DACH2: variants seen among roughly 807,000 people sequenced by gnomAD.
DACH2 encodes dachshund homolog 2.
A neutral mutation model predicts 35.8 loss-of-function variants in DACH2; 17 were observed. The observed-to-expected ratio is 0.48, with a 90% CI of 0.33 to 0.71. The LOEUF (loss-of-function observed/expected upper bound fraction) is 0.71. Among genes scored for constraint, DACH2 ranks in the 30% least tolerant of loss-of-function variants. The probability of loss-of-function intolerance (pLI) is 0.02; values close to 1 mark genes in which losing one functional copy is unlikely to be tolerated. For synonymous variants in DACH2, 195 were observed against 177.3 expected, an observed-to-expected ratio of 1.10 and a Z score of -0.79; for missense variants, 469 against 472.7, an observed-to-expected ratio of 0.99 and a Z score of 0.07.
intron 3 of DACH2, among the ~76,000 whole-genome samples, chrX:86,623,853 T>C (rs1221743546): frequency 9.6e-6 from 1 of 103,704 alleles, no homozygotes; most frequent in Non-Finnish European, 2.0e-5. Flanking sequence ...ATCGAGACCA[T>C]CCTGGCTAAC....
At chrX:86,397,196 G>C (rs918667189) in intron 2 of DACH2, among the ~76,000 whole-genome samples, 1 of 111,100 alleles carries the variant, frequency 9.0e-6, no homozygotes, top group Non-Finnish European at 1.9e-5. Context: ...CTGTTTGTCT[G>C]TTTTTGGTGT....
chrX:86,222,789 T>C (rs889312518), intron 1 of DACH2, among the ~76,000 whole-genome samples: 1 of 110,026 alleles, frequency 9.1e-6, no homozygotes. Context: ...TCAAGGAAAA[T>C]AGCCACCAAT....
Position 86,599,007 on chromosome X carries a change from A to G in DACH2, c.641-52029A>G, listed in dbSNP as rs749698152. Reference sequence around the variant, plus strand: ...TGTGATGTTCCCCTTCCTGTGTCCAAGTGTTCTCATTGTTCAATTCCCACC... The same window carrying G: ...TGTGATGTTCCCCTTCCTGTGTCCAGGTGTTCTCATTGTTCAATTCCCACC... On this transcript the variant is annotated intron_variant, in intron 3 of 11. Coordinates refer to ENST00000373125, the MANE Select transcript of DACH2 (RefSeq NM_053281.3). 2.2e-3 allele frequency among the ~76,000 whole-genome samples: 241 copies of G among 109,384 alleles called. 1 individual carries two copies. The highest frequency in any genetic ancestry group is 3.9e-3 in the Non-Finnish European group (206 of 52,705). 95.0% of individuals were successfully genotyped at this position (109,384 alleles called of 115,157 possible). A position where few individuals can be genotyped will look rare whatever the true frequency, so the allele number is the denominator to read the frequency against.
rs758607757 is a variant in DACH2, at chrX:86,832,517, TC to T, written c.*363del. On this transcript the variant is annotated 3_prime_UTR_variant, in exon 12 of 12. Coordinates refer to ENST00000373125, the MANE Select transcript of DACH2 (RefSeq NM_053281.3). ...AAAGTTATATGTATGGTTTCCCTGT[TC>T]TACTATACATAACGTTAAAGTACAC... The T allele has an allele frequency of 2.6e-5, 4 of 154,632 alleles. No homozygotes were observed. The highest frequency in any genetic ancestry group is 8.5e-5 in the Admixed American group (1 of 11,737). 12.7% of individuals were successfully genotyped at this position (154,632 alleles called of 1,213,427 possible). A position where few individuals can be genotyped will look rare whatever the true frequency, so the allele number is the denominator to read the frequency against.
chrX:86,591,350 G>GCTGGGT (rs1218439903), intron 3 of DACH2, among the ~76,000 whole-genome samples: 180 of 111,275 alleles, frequency 1.6e-3, no homozygotes, highest in Non-Finnish European at 3.1e-3. Flanking sequence ...TAATGGGATG[G>GCTGGGT]CTGGGTCAAA....
intron 2 of DACH2, among the ~76,000 whole-genome samples, chrX:86,490,792 C>T (rs890488845): frequency 2.7e-5 from 3 of 111,373 alleles, no homozygotes; most frequent in African/African-American, 9.8e-5. Flanking sequence ...TTAACCTTCT[C>T]TGTGATAAAA....
chrX:86,478,450 T>C (rs777889565), intron 2 of DACH2, among the ~76,000 whole-genome samples: 3 of 111,020 alleles, frequency 2.7e-5, no homozygotes, highest in Non-Finnish European at 5.7e-5. Context: ...CTGTAAGATA[T>C]CCACTCAAAA....
chrX:86,784,409 C>A (rs2042118201), intron 7 of DACH2, among the ~76,000 whole-genome samples: 1 of 110,884 alleles, frequency 9.0e-6, no homozygotes, highest in Non-Finnish European at 1.9e-5. Flanking sequence ...TAGAGAAATG[C>A]AAGTCAAAAT....
chrX:86,551,685 C>A (rs1442583177), intron 3 of DACH2, among the ~76,000 whole-genome samples: 2 of 112,036 alleles, frequency 1.8e-5, no homozygotes, highest in African/African-American at 6.5e-5. Context: ...TGTAGCAGAT[C>A]AGTAACTTGT....
intron 4 of DACH2, among the ~76,000 whole-genome samples, chrX:86,693,094 T>C (rs2041028348): frequency 8.9e-6 from 1 of 112,430 alleles, no homozygotes; most frequent in Non-Finnish European, 1.9e-5. Context: ...AGCCAACATC[T>C]GGATGAAAAG....
chrX:86,533,391 T>C (rs2038751935), intron 3 of DACH2, among the ~76,000 whole-genome samples: 1 of 112,196 alleles, frequency 8.9e-6, no homozygotes, highest in Non-Finnish European at 1.9e-5. Flanking sequence ...AAAGTGTTTT[T>C]CTGATCTTCT....
At chrX:86,673,283 G>C (rs1488168121) in intron 4 of DACH2, among the ~76,000 whole-genome samples, 3 of 91,004 alleles carry the variant, frequency 3.3e-5, no homozygotes, top group Non-Finnish European at 6.1e-5. Flanking sequence ...CTTGCAGTGA[G>C]CCAAGATCAT....
At chrX:86,171,006 A>G (rs1358515476) in intron 1 of DACH2, among the ~76,000 whole-genome samples, 2 of 112,150 alleles carry the variant, frequency 1.8e-5, no homozygotes, top group Non-Finnish European at 3.8e-5. Context: ...AGCCTGTTCA[A>G]AGGAGGCAAT....
intron 7 of DACH2, among the ~76,000 whole-genome samples, chrX:86,812,379 T>C (rs2042402839): frequency 9.0e-6 from 1 of 111,531 alleles, no homozygotes; most frequent in Non-Finnish European, 1.9e-5. Flanking sequence ...GTGGTAATGA[T>C]TAGACAACTC....
chrX:86,204,670 G>A (rs1378198261), intron 1 of DACH2, among the ~76,000 whole-genome samples: 1 of 112,089 alleles, frequency 8.9e-6, no homozygotes, highest in Non-Finnish European at 1.9e-5. Context: ...TCTGAAAGAT[G>A]TTTGCACCTT....
intron 2 of DACH2, among the ~76,000 whole-genome samples, chrX:86,402,594 G>T (rs997124407): frequency 3.6e-5 from 4 of 111,572 alleles, no homozygotes; most frequent in African/African-American, 1.3e-4. Context: ...CATTAAAAGG[G>T]TCATAGTGCC....
At chrX:86,797,551 C>T (rs950931585) in intron 7 of DACH2, among the ~76,000 whole-genome samples, 32 of 110,568 alleles carry the variant, frequency 2.9e-4, no homozygotes, top group African/African-American at 9.5e-4. Flanking sequence ...CATATGGATC[C>T]GTAAATATTT....
intron 2 of DACH2, among the ~76,000 whole-genome samples, chrX:86,501,871 G>C (rs2038254100): frequency 9.0e-6 from 1 of 111,594 alleles, no homozygotes; most frequent in African/African-American, 3.3e-5. Flanking sequence ...AAACCAGTTA[G>C]AGCGGGGTTA....
At chrX:86,467,691 C>A (rs773884247) in intron 2 of DACH2, among the ~76,000 whole-genome samples, 118 of 111,490 alleles carry the variant, frequency 1.1e-3, no homozygotes, top group Middle Eastern at 4.6e-3. Context: ...TAAAGACATA[C>A]CCAAGCCTGA....
Sources: gnomAD v4.1 joint callset for allele counts (sites outside exome capture counted in the v4.1 genomes callset) on GRCh38, gnomAD v4.1.1 for gene constraint, MANE v1.5 for transcripts, NCBI Gene and HGNC (gene_info 2026-07-23, HGNC 2026-07-21) for gene names.